Variants in C2orf80 observed in about 807,000 individuals in gnomAD.
C2orf80 encodes the protein chromosome 2 open reading frame 80.
C2orf80 carries 28 observed loss-of-function variants against 30.2 expected under a neutral mutation model. The observed-to-expected ratio is 0.93, with a 90% CI of 0.69 to 1.27. The LOEUF (loss-of-function observed/expected upper bound fraction) is 1.27. C2orf80 is among the 50% of genes most tolerant of loss of function. C2orf80 has a pLI of 0.00. For synonymous variants in C2orf80, 80 were observed against 76.4 expected, an observed-to-expected ratio of 1.05 and a Z score of -0.24; for missense variants, 220 against 231.0, an observed-to-expected ratio of 0.95 and a Z score of 0.31.
chr2:208,175,447 A>C (rs1396985856), intron 6 of C2orf80, among the ~76,000 whole-genome samples: 1 of 152,192 alleles, frequency 6.6e-6, no homozygotes, highest in Non-Finnish European at 1.5e-5. Context: ...CCCTCTCAGG[A>C]GGGAGAACCC....
chr2:208,189,377 G>C (rs1487670315), intron 1 of C2orf80, among the ~76,000 whole-genome samples: 1 of 152,118 alleles, frequency 6.6e-6, no homozygotes, highest in Non-Finnish European at 1.5e-5. Flanking sequence ...ATATGCAAAG[G>C]TTTCAGTCTT....
chr2:208,179,727 A>G (rs1371022258), intron 6 of C2orf80, among the ~76,000 whole-genome samples: 1 of 150,292 alleles, frequency 6.7e-6, no homozygotes, highest in Admixed American at 6.7e-5. Context: ...AAGATCAGTC[A>G]TATGGAGGCC....
At chr2:208,180,861 C>G (rs1057322972) in intron 5 of C2orf80, 45 bp from the exon 6 acceptor site, 2 of 1,530,528 alleles carry the variant, frequency 1.3e-6, no homozygotes, top group Non-Finnish European at 1.8e-6. Context: ...CATACCATGG[C>G]TTTTCTTTTA....
intron 3 of C2orf80, 55 bp downstream of exon 3, chr2:208,184,896 C>G (rs1696667947): frequency 7.1e-7 from 1 of 1,400,150 alleles, no homozygotes; most frequent in African/African-American, 1.4e-5. Flanking sequence ...CTTTTTCTGT[C>G]TCTTTAATAC....
intron 6 of C2orf80, among the ~76,000 whole-genome samples, chr2:208,180,192 T>C (rs1328717058): frequency 6.6e-6 from 1 of 152,086 alleles, no homozygotes; most frequent in African/African-American, 2.4e-5. Flanking sequence ...GGCTCATACC[T>C]GTACTCCAGT....
At chr2:208,175,933 A>G (rs1696277700) in intron 6 of C2orf80, among the ~76,000 whole-genome samples, 1 of 152,102 alleles carries the variant, frequency 6.6e-6, no homozygotes, top group African/African-American at 2.4e-5. Flanking sequence ...GTAAGGCCTG[A>G]ACTGGCGTTC....
chr2:208,184,820 G>A (rs560544348), intron 3 of C2orf80, 131 bp downstream of exon 3: 2 of 619,262 alleles, frequency 3.2e-6, no homozygotes, highest in South Asian at 4.6e-5. Context: ...GTGAGGGGAA[G>A]ATGAGGAAGA....
chr2:208,182,698 G>GC (rs2105910601), intron 4 of C2orf80, among the ~76,000 whole-genome samples: 1 of 152,298 alleles, frequency 6.6e-6, no homozygotes, highest in South Asian at 2.1e-4. Flanking sequence ...ACCGCGCCCG[G>GC]CCCCTTAAGA....
chr2:208,184,675 C>T (rs1396469449), intron 3 of C2orf80, among the ~76,000 whole-genome samples: 3 of 152,170 alleles, frequency 2.0e-5, no homozygotes, highest in South Asian at 4.1e-4. Context: ...ACTCCACAGA[C>T]GTAACATTTT....
chr2:208,189,218 T>A (rs1457530521), intron 1 of C2orf80, among the ~76,000 whole-genome samples: 1 of 152,208 alleles, frequency 6.6e-6, no homozygotes, highest in Non-Finnish European at 1.5e-5. Context: ...TTTAATCCAT[T>A]CTTGTCTTGT....
chr2:208,167,704 G>A (rs1452867214), intron 8 of C2orf80, among the ~76,000 whole-genome samples: 1 of 151,760 alleles, frequency 6.6e-6, no homozygotes, highest in Non-Finnish European at 1.5e-5. Flanking sequence ...AGTCTCCCTA[G>A]TAGCTGGGAT....
chr2:208,179,065 A>G (rs1696465505), intron 6 of C2orf80, among the ~76,000 whole-genome samples: 1 of 152,104 alleles, frequency 6.6e-6, no homozygotes, highest in South Asian at 2.1e-4. Context: ...GGCCTGCAAA[A>G]AAGTTTTTAA....
intron 8 of C2orf80, chr2:208,168,534 G>T (rs1049160524): frequency 6.0e-6 from 1 of 167,918 alleles, no homozygotes; most frequent in African/African-American, 2.4e-5. Flanking sequence ...GGTGGCGGGC[G>T]CCTGTAGTCC....
intron 4 of C2orf80, 71 bp downstream of exon 4, chr2:208,182,894 G>A: frequency 8.2e-7 from 1 of 1,225,016 alleles, no homozygotes; most frequent in Non-Finnish European, 1.2e-6. Flanking sequence ...AGATGTTAGG[G>A]CTGGAACTTC....
rs201967609 is a variant in C2orf80, at chr2:208,181,259, G to T, written c.253C>A (p.Arg85=). The change falls in exon 5 of 9, where the codon CGA becomes AGA. Residue 85 remains arginine (R), a synonymous_variant. Coordinates refer to ENST00000341287, the MANE Select transcript of C2orf80 (RefSeq NM_001099334.3). ...GRPIYPNRRE[R]EAMILSSYAG... ...TAAGATGATAAAATCATAGCTTCTC[G>T]TTCTCTACGATTTGGATATATGGGT... 1.9e-6 allele frequency: 3 copies of T among 1,611,042 alleles called. No homozygotes were observed. In the East Asian group the frequency reaches 6.7e-5, roughly 36 times the overall value.
At chr2:208,167,257 C>T (rs1452784926) in intron 8 of C2orf80, among the ~76,000 whole-genome samples, 1 of 151,908 alleles carries the variant, frequency 6.6e-6, no homozygotes, top group Non-Finnish European at 1.5e-5. Context: ...GGCGCGGTGG[C>T]TCATGCCTGT....
At chr2:208,165,893 A>G (rs1337616202) in intron 8 of C2orf80, 78 bp from the exon 9 acceptor site, 9 of 948,414 alleles carry the variant, frequency 9.5e-6, no homozygotes, top group African/African-American at 1.7e-5. Flanking sequence ...GTCTATAGGA[A>G]GTTAAGGTCA....
chr2:208,182,796 G>C (rs1232059103), intron 4 of C2orf80, among the ~76,000 whole-genome samples, 169 bp downstream of exon 4: 2 of 152,206 alleles, frequency 1.3e-5, no homozygotes, highest in Non-Finnish European at 1.5e-5. Flanking sequence ...ACTTCTTCAA[G>C]TTGGCAACTG....
intron 4 of C2orf80, among the ~76,000 whole-genome samples, chr2:208,181,738 C>T (rs1696568845): frequency 6.6e-6 from 1 of 152,118 alleles, no homozygotes; most frequent in Admixed American, 6.6e-5. Flanking sequence ...TATTCCACCT[C>T]CCCTGCGCTG....
Sources: gnomAD v4.1 joint callset for allele counts (sites outside exome capture counted in the v4.1 genomes callset) on GRCh38, gnomAD v4.1.1 for gene constraint, MANE v1.5 for transcripts, NCBI Gene and HGNC (gene_info 2026-07-23, HGNC 2026-07-21) for gene names.